Variants in MBD5 observed in about 807,000 individuals in gnomAD.
MBD5 encodes methyl-CpG-binding domain protein 5.
A neutral mutation model predicts 117.3 loss-of-function variants in MBD5; 13 were observed. That is an observed-to-expected ratio of 0.11 (90% CI 0.07 to 0.18). MBD5 has a LOEUF of 0.18. Among genes scored for constraint, MBD5 ranks in the 10% least tolerant of loss-of-function variants. MBD5 has a pLI of 1.00. For missense variants in MBD5, 1,879 were observed against 2,093.8 expected (o/e 0.90, Z 2.00); for synonymous variants, 727 against 766.4 (o/e 0.95, Z 0.85).
At chr2:148,380,992 A>C (rs1404579282) in intron 4 of MBD5, among the ~76,000 whole-genome samples, 1 of 152,136 alleles carries the variant, frequency 6.6e-6, no homozygotes, top group Non-Finnish European at 1.5e-5. Context: ...TCAAAGACCA[A>C]AGGTAGATAA....
At chr2:148,077,830 AG>A (rs1245727380) in intron 1 of MBD5, among the ~76,000 whole-genome samples, 1 of 152,136 alleles carries the variant, frequency 6.6e-6, no homozygotes, top group African/African-American at 2.4e-5. Context: ...AACAACAGGA[AG>A]GAAATGATGC....
At chr2:148,170,692 A>G (rs1444921355) in intron 1 of MBD5, among the ~76,000 whole-genome samples, 2 of 152,246 alleles carry the variant, frequency 1.3e-5, no homozygotes, top group African/African-American at 4.8e-5. Flanking sequence ...TTAAAAGTTT[A>G]TGATTTGATA....
intron 2 of MBD5, among the ~76,000 whole-genome samples, chr2:148,196,457 C>T (rs2105929853): frequency 6.6e-6 from 1 of 152,228 alleles, no homozygotes; most frequent in Non-Finnish European, 1.5e-5. Flanking sequence ...GAGTCCCTTT[C>T]ATAAGAAAGA....
chr2:148,501,862 G>C (rs985605531), intron 11 of MBD5, among the ~76,000 whole-genome samples: 13 of 152,196 alleles, frequency 8.5e-5, no homozygotes, highest in African/African-American at 2.2e-4. Flanking sequence ...TGTATGCTAG[G>C]ATAAGTGTTC....
chr2:148,351,740 C>A (rs544373766), intron 4 of MBD5, among the ~76,000 whole-genome samples: 9 of 152,190 alleles, frequency 5.9e-5, no homozygotes, highest in African/African-American at 2.2e-4. Flanking sequence ...CCTAATCCCA[C>A]ACTTGCTGCC....
At chr2:148,052,893 C>G (rs1250279828) in intron 1 of MBD5, among the ~76,000 whole-genome samples, 1 of 144,336 alleles carries the variant, frequency 6.9e-6, no homozygotes, top group Non-Finnish European at 1.5e-5. Context: ...GTCCAGGAGG[C>G]AGAAGTTGCA....
At chr2:148,505,877 C>A (rs1682016042) in intron 12 of MBD5, among the ~76,000 whole-genome samples, 1 of 152,172 alleles carries the variant, frequency 6.6e-6, no homozygotes, top group Admixed American at 6.5e-5. Context: ...CACTTCATAG[C>A]TGTGTGTTCG....
chr2:148,260,266 A>G (rs1029093245), intron 3 of MBD5, among the ~76,000 whole-genome samples: 2 of 152,324 alleles, frequency 1.3e-5, no homozygotes, highest in African/African-American at 2.4e-5. Flanking sequence ...CATTTCAACA[A>G]TGTTCACAGC....
chr2:148,294,196 G>GTTTTTTTTTTTT (rs60942822), intron 3 of MBD5, among the ~76,000 whole-genome samples: 6 of 127,168 alleles, frequency 4.7e-5, no homozygotes, highest in African/African-American at 1.8e-4. Context: ...CCAGAATGAA[G>GTTTTTTTTTTTT]TTTTTTTTTT....
chr2:148,129,971 A>G (rs1696995339), intron 1 of MBD5, among the ~76,000 whole-genome samples: 1 of 152,144 alleles, frequency 6.6e-6, no homozygotes, highest in Non-Finnish European at 1.5e-5. Context: ...AATTAATAAA[A>G]TTTTTCTGTT....
chr2:148,381,931 C>T (rs1471490700), intron 4 of MBD5, among the ~76,000 whole-genome samples: 1 of 152,080 alleles, frequency 6.6e-6, no homozygotes, highest in Non-Finnish European at 1.5e-5. Context: ...CACCACCAGG[C>T]CTGCCCTAAA....
At chr2:148,052,959 T>C (rs1020221930) in intron 1 of MBD5, among the ~76,000 whole-genome samples, 13 of 126,760 alleles carry the variant, frequency 1.0e-4, no homozygotes, top group Non-Finnish European at 1.4e-4. Context: ...CAAGAGTTCG[T>C]CTCAAAAAAA....
rs142987766 is a variant in MBD5 at position 148,345,094 on chromosome 2, C to T, written c.-557+2758C>T. On this transcript the variant is annotated intron_variant, in intron 4 of 13. Transcript: ENST00000642680. ...AATGCATTCTTAAGATAACGTATGT[C>T]TTCAAGATGTTGATAATGGGGGAGG... is the stretch of plus-strand genomic sequence containing the variant. Among the ~76,000 whole-genome samples the T allele has an allele frequency of 1.2e-3, 189 of 151,674 alleles. 3 individuals are homozygous for T. In the East Asian group the frequency reaches 0.035, roughly 28 times the overall value.
intron 3 of MBD5, among the ~76,000 whole-genome samples, chr2:148,271,155 G>A (rs74591894): frequency 0.037 from 5,654 of 152,110 alleles, 123 homozygotes; most frequent in Non-Finnish European, 0.058. Flanking sequence ...AGATTTTTAG[G>A]CTCTAGGTAA....
rs116173723 is a variant in MBD5, at chr2:148,490,073, C to T, written c.4441C>T (p.Leu1481=). 77 of 1,614,022 alleles carry T rather than the reference C, an allele frequency of 4.8e-5. No individual in the cohort carries two copies. The East Asian group carries it at 1.7e-3, about 35-fold the overall frequency. Residue 1481 remains leucine, a synonymous_variant, in exon 11 of 14, where the codon CTG becomes TTG. Transcript: ENST00000642680. ...PFLPGEQHPI[L]LPPRNCPGDK... is the part of the protein sequence containing the mutation. ...TCTGCCTGGGGAACAGCACCCAATA[C>T]TGTTACCACCAAGAAACTGTCCAGG...
intron 3 of MBD5, among the ~76,000 whole-genome samples, chr2:148,289,954 C>CT (rs70995304): frequency 2.8e-4 from 28 of 99,176 alleles, no homozygotes; most frequent in African/African-American, 9.3e-4. Context: ...CATGTATTAC[C>CT]TTTTTTTTTT....
chr2:148,174,882 T>G (rs2105819578), intron 1 of MBD5, among the ~76,000 whole-genome samples: 1 of 152,230 alleles, frequency 6.6e-6, no homozygotes, highest in African/African-American at 2.4e-5. Flanking sequence ...TGGAAAACTG[T>G]GTGAAGGTTC....
rs546547136 is a variant in MBD5 at position 148,458,192 on chromosome 2, A to C, written c.-556-11A>C. 2 of 400,234 alleles carry C rather than the reference A, an allele frequency of 5.0e-6. No homozygotes were observed. Among genetic ancestry groups the C allele is most frequent in the Non-Finnish European group, 4.4e-6 (1 of 227,032 alleles). 24.8% of individuals were successfully genotyped at this position (400,234 alleles called of 1,614,324 possible). On this transcript the variant is annotated splice_polypyrimidine_tract_variant and intron_variant, in intron 4 of 13. Transcript: ENST00000642680. ...TAAATATACAAGTTCACATATTTAC[A>C]TATGTTTCAGGCTACATTATTGGAA...
Position 148,513,192 on chromosome 2 carries a change from CT to C in MBD5, c.*256del. The C allele has an allele frequency of 2.1e-6, 1 of 481,194 alleles. No homozygotes were observed. Among genetic ancestry groups the C allele is most frequent in the Non-Finnish European group, 3.7e-6 (1 of 267,182 alleles). 29.8% of individuals were successfully genotyped at this position (481,194 alleles called of 1,614,324 possible). A position where few individuals can be genotyped will look rare whatever the true frequency, so the allele number is the denominator to read the frequency against. On this transcript the variant is annotated 3_prime_UTR_variant, in exon 14 of 14. Coordinates refer to ENST00000642680, the MANE Select transcript of MBD5 (RefSeq NM_001378120.1). ...ATGGTCAAGAGATTACTGAGAAACT[CT>C]TTTTCTATAATACTAAATTGTGATT...
Sources: gnomAD v4.1 joint callset for allele counts (sites outside exome capture counted in the v4.1 genomes callset) on GRCh38, gnomAD v4.1.1 for gene constraint, MANE v1.5 for transcripts, NCBI Gene and HGNC (gene_info 2026-07-23, HGNC 2026-07-21) for gene names.